The following ITSN1 variants were observed in gnomAD, a reference collection of about 807,000 sequenced individuals.
ITSN1 encodes intersectin-1.
In ITSN1, 58 loss-of-function variants were observed where a neutral mutation model predicts 239.8. The observed-to-expected ratio is 0.24, with a 90% CI of 0.20 to 0.30. ITSN1 has a LOEUF of 0.30. Among genes scored for constraint, ITSN1 ranks in the 10% least tolerant of loss-of-function variants. The probability of loss-of-function intolerance (pLI) is 1.00; values close to 1 mark genes in which losing one functional copy is unlikely to be tolerated. For missense variants in ITSN1, 1,558 were observed against 2,103.3 expected, an observed-to-expected ratio of 0.74 and a Z score of 5.07; for synonymous variants, 780 against 770.8, an observed-to-expected ratio of 1.01 and a Z score of -0.20.
Position 33,642,576 on chromosome 21 carries a change from T to A in ITSN1, c.-170T>A, listed in dbSNP as rs1278101440. On this transcript the variant is annotated 5_prime_UTR_variant, in exon 1 of 40. Transcript: ENST00000381318. ...TAGTACGGCGGCTCGCGAGGAAGAA[T>A]CCCGAGCGGGCTCCGGGACGGACAG... 6.5e-6 allele frequency: 1 copy of A among 152,862 alleles called. No homozygotes were observed. The highest frequency in any genetic ancestry group is 1.5e-5 in the Non-Finnish European group (1 of 68,382). 9.5% of individuals were successfully genotyped at this position (152,862 alleles called of 1,614,324 possible).
chr21:33,723,567 T>C (rs761372557), intron 4 of ITSN1, among the ~76,000 whole-genome samples: 6 of 151,966 alleles, frequency 3.9e-5, no homozygotes, highest in Non-Finnish European at 8.8e-5. Flanking sequence ...TGAGCCGAGA[T>C]CATGCCACTG....
intron 24 of ITSN1, among the ~76,000 whole-genome samples, chr21:33,823,214 C>G (rs1444298559): frequency 6.6e-6 from 1 of 152,172 alleles, no homozygotes; most frequent in Non-Finnish European, 1.5e-5. Flanking sequence ...CTTAAATACT[C>G]AAGTGTCGGT....
rs755818074 is a variant in ITSN1, at chr21:33,718,781, G to A, written c.-32-16G>A. Reference sequence around the variant, plus strand: ...TTAAGTTTTCATAAACTTAAATGTTGCATTTTCACTTACAGGCGTCGATTA... The same window carrying A: ...TTAAGTTTTCATAAACTTAAATGTTACATTTTCACTTACAGGCGTCGATTA... On this transcript the variant is annotated splice_polypyrimidine_tract_variant and intron_variant, in intron 1 of 39. Coordinates refer to ENST00000381318, the MANE Select transcript of ITSN1 (RefSeq NM_003024.3). 4.5e-6 allele frequency: 7 copies of A among 1,556,822 alleles called. No individual in the cohort carries two copies. The East Asian group carries it at 1.1e-4, about 25-fold the overall frequency.
At chr21:33,824,663 C>T (rs729960) in intron 25 of ITSN1, among the ~76,000 whole-genome samples, 2,254 of 152,226 alleles carry the variant, frequency 0.015, 48 homozygotes, top group African/African-American at 0.052. Flanking sequence ...GCTCTGGGAG[C>T]GAGGCTGGGC....
chr21:33,830,744 A>G (rs1213572967), intron 27 of ITSN1, among the ~76,000 whole-genome samples: 1 of 152,238 alleles, frequency 6.6e-6, no homozygotes, highest in Non-Finnish European at 1.5e-5. Context: ...TTACTGTACC[A>G]GTGTAAAATT....
chr21:33,776,303 A>G (rs748487125), intron 14 of ITSN1, among the ~76,000 whole-genome samples: 23 of 151,898 alleles, frequency 1.5e-4, no homozygotes, highest in Non-Finnish European at 2.9e-4. Context: ...TGTAAACCCA[A>G]TACTTTGAGA....
At chr21:33,671,660 G>A (rs2090290743) in intron 1 of ITSN1, among the ~76,000 whole-genome samples, 2 of 151,744 alleles carry the variant, frequency 1.3e-5, no homozygotes, top group Non-Finnish European at 2.9e-5. Flanking sequence ...AAAATTAGCA[G>A]GCATGGTGGC....
intron 16 of ITSN1, among the ~76,000 whole-genome samples, chr21:33,794,049 CT>C (rs1334717073): frequency 6.6e-6 from 1 of 152,162 alleles, no homozygotes; most frequent in Non-Finnish European, 1.5e-5. Flanking sequence ...ATTGCTGAGC[CT>C]TTAGCAGCAG....
At chr21:33,704,955 A>G (rs1223937218) in intron 1 of ITSN1, among the ~76,000 whole-genome samples, 2 of 150,918 alleles carry the variant, frequency 1.3e-5, no homozygotes, top group Non-Finnish European at 3.0e-5. Context: ...AAATACAAAC[A>G]AAAACATTAG....
intron 10 of ITSN1, among the ~76,000 whole-genome samples, chr21:33,766,221 T>G (rs974850965): frequency 6.6e-6 from 1 of 152,202 alleles, no homozygotes; most frequent in African/African-American, 2.4e-5. Flanking sequence ...AACAATGAAG[T>G]AAAACATCAA....
At chr21:33,694,540 G>A (rs1182006118) in intron 1 of ITSN1, among the ~76,000 whole-genome samples, 1 of 152,108 alleles carries the variant, frequency 6.6e-6, no homozygotes, top group African/African-American at 2.4e-5. Flanking sequence ...AAAGGGTCTG[G>A]CCAGGCGCTG....
chr21:33,760,768 T>C (rs952443031), intron 8 of ITSN1, among the ~76,000 whole-genome samples: 2 of 152,182 alleles, frequency 1.3e-5, no homozygotes, highest in Non-Finnish European at 2.9e-5. Context: ...AGCAAAAACA[T>C]ATACACCAGA....
chr21:33,728,606 C>G (rs1244873674), intron 4 of ITSN1, among the ~76,000 whole-genome samples: 1 of 152,136 alleles, frequency 6.6e-6, no homozygotes, highest in Non-Finnish European at 1.5e-5. Flanking sequence ...TCCTATAATT[C>G]AGTTGCTCTA....
At chr21:33,804,682 A>G (rs2072270498) in intron 20 of ITSN1, among the ~76,000 whole-genome samples, 1 of 152,162 alleles carries the variant, frequency 6.6e-6, no homozygotes, top group Non-Finnish European at 1.5e-5. Flanking sequence ...ATGTTAGTAG[A>G]ACATAAGAAA....
At chr21:33,697,144 G>A (rs1016701972) in intron 1 of ITSN1, among the ~76,000 whole-genome samples, 1 of 150,126 alleles carries the variant, frequency 6.7e-6, no homozygotes, top group African/African-American at 2.5e-5. Flanking sequence ...GTGCAGAGGC[G>A]TGATCTCGGC....
At chr21:33,820,633 A>C (rs754320060) in intron 24 of ITSN1, among the ~76,000 whole-genome samples, 6 of 152,210 alleles carry the variant, frequency 3.9e-5, no homozygotes, top group Non-Finnish European at 7.4e-5. Flanking sequence ...TTTTAAAGTA[A>C]GAATTTTTTT....
intron 1 of ITSN1, among the ~76,000 whole-genome samples, chr21:33,662,243 C>T (rs544755287): frequency 2.8e-4 from 43 of 152,200 alleles, no homozygotes; most frequent in Non-Finnish European, 4.9e-4. Flanking sequence ...TGAAAATACC[C>T]GTACCTGCCG....
chr21:33,681,836 A>G (rs2090977533), intron 1 of ITSN1, among the ~76,000 whole-genome samples: 1 of 151,372 alleles, frequency 6.6e-6, no homozygotes, highest in African/African-American at 2.4e-5. Context: ...ATGCCCGGCT[A>G]ATTTTTTTGT....
chr21:33,822,136 G>C (rs1279528120), intron 24 of ITSN1, among the ~76,000 whole-genome samples: 1 of 152,196 alleles, frequency 6.6e-6, no homozygotes, highest in Non-Finnish European at 1.5e-5. Flanking sequence ...AATTGCTGCT[G>C]GCCTCGGCGC....
Sources: allele counts gnomAD v4.1 joint callset (sites outside exome capture counted in the v4.1 genomes callset), GRCh38; gene constraint gnomAD v4.1.1; transcripts MANE v1.5; gene names NCBI Gene and HGNC (gene_info 2026-07-23, HGNC 2026-07-21).